PIP4K2A: variants seen among roughly 807,000 people sequenced by gnomAD.
PIP4K2A encodes the protein phosphatidylinositol-5-phosphate 4-kinase type 2 alpha.
In PIP4K2A, 14 loss-of-function variants were observed where a neutral mutation model predicts 42.9. That is an observed-to-expected ratio of 0.33 (90% CI 0.22 to 0.51). The LOEUF is 0.51. PIP4K2A is among the 20% of genes least tolerant of loss of function. The probability of loss-of-function intolerance (pLI) is 0.97; values close to 1 mark genes in which losing one functional copy is unlikely to be tolerated. For missense variants in PIP4K2A, 434 were observed against 519.8 expected, an observed-to-expected ratio of 0.83 and a Z score of 1.61; for synonymous variants, 192 against 192.2, an observed-to-expected ratio of 1.00 and a Z score of 0.01.
Position 22,635,444 on chromosome 10 carries a change from A to G in PIP4K2A, c.145-25727T>C, listed in dbSNP as rs185878249. 3.9e-5 allele frequency among the ~76,000 whole-genome samples: 6 copies of G among 152,292 alleles called. No individual in the cohort carries two copies. In the East Asian group the frequency reaches 1.2e-3, roughly 29 times the overall value. On this transcript the variant is annotated intron_variant, in intron 1 of 9. Coordinates refer to ENST00000376573, the MANE Select transcript of PIP4K2A (RefSeq NM_005028.5). ...TAATGTCCATTTTAAATAAAAAGAA[A>G]AGTTGCTAACAGCACAAAAGGCTGT...
intron 6 of PIP4K2A, among the ~76,000 whole-genome samples, chr10:22,565,551 G>A (rs1836826468): frequency 1.3e-5 from 2 of 152,190 alleles, no homozygotes; most frequent in Admixed American, 1.3e-4. Flanking sequence ...GAAGATGTAT[G>A]TTGCCTCAGG....
At chr10:22,560,090 T>A (rs1347199170) in intron 6 of PIP4K2A, among the ~76,000 whole-genome samples, 2 of 152,110 alleles carry the variant, frequency 1.3e-5, no homozygotes, top group Admixed American at 1.3e-4. Flanking sequence ...GCACTTTGGG[T>A]AGTAGGATTG....
At chr10:22,610,933 A>T (rs1034873955) in intron 1 of PIP4K2A, among the ~76,000 whole-genome samples, 3 of 152,236 alleles carry the variant, frequency 2.0e-5, no homozygotes, top group Non-Finnish European at 4.4e-5. Flanking sequence ...TCACAGAGAC[A>T]GCAACGACTA....
intron 3 of PIP4K2A, among the ~76,000 whole-genome samples, chr10:22,605,146 T>A (rs1307523527): frequency 6.6e-6 from 1 of 151,744 alleles, no homozygotes; most frequent in Non-Finnish European, 1.5e-5. Flanking sequence ...GGAAGAAGAG[T>A]ATACCTCTGC....
intron 1 of PIP4K2A, among the ~76,000 whole-genome samples, chr10:22,645,994 T>C (rs1838873404): frequency 6.6e-6 from 1 of 152,138 alleles, no homozygotes; most frequent in Non-Finnish European, 1.5e-5. Flanking sequence ...AGTGCTGGGA[T>C]TATAGGTGTG....
At chr10:22,668,722 A>C (rs145229406) in intron 1 of PIP4K2A, among the ~76,000 whole-genome samples, 109 of 152,328 alleles carry the variant, frequency 7.2e-4, no homozygotes, top group African/African-American at 2.6e-3. Flanking sequence ...AAATACTAGA[A>C]AATATTCCTT....
At chr10:22,555,794 A>C (rs1836524495) in intron 6 of PIP4K2A, among the ~76,000 whole-genome samples, 1 of 152,044 alleles carries the variant, frequency 6.6e-6, no homozygotes, top group South Asian at 2.1e-4. Context: ...TCGGTAATCT[A>C]AACCTGGGGG....
At chr10:22,714,037 C>T (rs564580032) in intron 1 of PIP4K2A, 146 bp downstream of exon 1, 2 of 807,244 alleles carry the variant, frequency 2.5e-6, no homozygotes. Context: ...CGCCGCGGGG[C>T]TGGGGGCTTC....
Position 22,607,998 on chromosome 10 carries a change from A to C in PIP4K2A, c.268T>G (p.Phe90Val). Residue 90 changes from phenylalanine (F) to valine (V), a missense_variant, in exon 3 of 10, where the codon TTT (phenylalanine) becomes GTT (valine). Phe to Val is a conservative substitution (Grantham distance 50). Transcript: ENST00000376573. ...AAGACCATCGGGCAGTATTCCTTAAACTTGAAATGGCTCGGCATGTTTTCT... is the reference window on the plus strand; with the variant it reads ...AAGACCATCGGGCAGTATTCCTTAACCTTGAAATGGCTCGGCATGTTTTCT... ...NKENMPSHFK[F>V]KEYCPMVFRN... The C allele has an allele frequency of 6.2e-7, 1 of 1,612,034 alleles. No individual in the cohort carries two copies.
intron 1 of PIP4K2A, among the ~76,000 whole-genome samples, chr10:22,629,873 C>T (rs1838514739): frequency 6.6e-6 from 1 of 152,024 alleles, no homozygotes; most frequent in South Asian, 2.1e-4. Flanking sequence ...GCAGGGGAGC[C>T]CTCCTTTCTA....
chr10:22,659,978 C>A (rs1490100103), intron 1 of PIP4K2A, among the ~76,000 whole-genome samples: 12 of 152,260 alleles, frequency 7.9e-5, no homozygotes, highest in Admixed American at 6.5e-4. Context: ...TCTTGCGAAG[C>A]AGAGCTCTGG....
intron 1 of PIP4K2A, among the ~76,000 whole-genome samples, chr10:22,683,528 A>G (rs1588705301): frequency 6.6e-6 from 1 of 152,140 alleles, no homozygotes; most frequent in African/African-American, 2.4e-5. Context: ...CCTTCTCCTC[A>G]GTGCTGGGTA....
intron 1 of PIP4K2A, among the ~76,000 whole-genome samples, chr10:22,624,725 A>G (rs1372328604): frequency 6.6e-6 from 1 of 152,238 alleles, no homozygotes; most frequent in Admixed American, 6.5e-5. Flanking sequence ...CTTTCAAAGT[A>G]AAGGTGAGAC....
At chr10:22,635,863 C>T (rs1417461558) in intron 1 of PIP4K2A, among the ~76,000 whole-genome samples, 1 of 152,110 alleles carries the variant, frequency 6.6e-6, no homozygotes, top group East Asian at 1.9e-4. Context: ...GTGGTGAAGC[C>T]ATTACCAAAA....
chr10:22,591,752 G>C lies in PIP4K2A; in HGVS notation c.369C>G (p.Pro123=), dbSNP rs1837517643. 6.2e-7 allele frequency: 1 copy of C among 1,612,838 alleles called. No homozygotes were observed. The highest frequency in any genetic ancestry group is 1.7e-5 in the Admixed American group (1 of 59,852). ...QNSLTRSAPL[P]NDSQARSGAR... is the part of the protein sequence containing the mutation. ...CTCCACTGCGGGCCTGGGAGTCGTT[G>C]GGGAGGGGTGCGCTCCTGGTCAGGG... The change falls in exon 4 of 10, where the codon CCC becomes CCG. Residue 123 remains proline (P), a synonymous_variant. Transcript: ENST00000376573.
chr10:22,705,198 C>G (rs879579193), intron 1 of PIP4K2A, among the ~76,000 whole-genome samples: 2 of 151,914 alleles, frequency 1.3e-5, no homozygotes, highest in Non-Finnish European at 2.9e-5. Context: ...GGCAGTAACA[C>G]TTCCGGGTCG....
intron 4 of PIP4K2A, among the ~76,000 whole-genome samples, chr10:22,573,898 G>C (rs1201543546): frequency 6.6e-6 from 1 of 152,368 alleles, no homozygotes; most frequent in Middle Eastern, 3.4e-3. Context: ...AGATGAAAGA[G>C]GAAATTGTGG....
chr10:22,620,713 C>T (rs1838308674), intron 1 of PIP4K2A, among the ~76,000 whole-genome samples: 1 of 152,214 alleles, frequency 6.6e-6, no homozygotes, highest in South Asian at 2.1e-4. Flanking sequence ...GATACACCCT[C>T]CAGCTGGGCA....
Position 22,712,940 on chromosome 10 carries a change from GTC to G in PIP4K2A, c.144+1241_144+1242del, listed in dbSNP as rs761247907. Reference sequence around the variant, plus strand: ...TGTGTGTGTGTGTGTGTGTGTGTGTGTCTGTGTGTGTGTTTTCCGAAAAACCA... The same window carrying G: ...TGTGTGTGTGTGTGTGTGTGTGTGTGTGTGTGTGTGTTTTCCGAAAAACCA... On this transcript the variant is annotated intron_variant, in intron 1 of 9. Coordinates refer to ENST00000376573, the MANE Select transcript of PIP4K2A (RefSeq NM_005028.5). 9.7e-3 allele frequency among the ~76,000 whole-genome samples: 1,455 copies of G among 150,076 alleles called. 26 individuals are homozygous for G. The highest frequency in any genetic ancestry group is 0.032 in the African/African-American group (1,278 of 39,876).
Sources: allele counts gnomAD v4.1 joint callset (sites outside exome capture counted in the v4.1 genomes callset), GRCh38; gene constraint gnomAD v4.1.1; transcripts MANE v1.5; gene names NCBI Gene and HGNC (gene_info 2026-07-23, HGNC 2026-07-21).